The following SLC4A2 variants were observed in gnomAD, a reference collection of about 807,000 sequenced individuals.
SLC4A2 encodes the protein anion exchange protein 2.
A neutral mutation model predicts 115.0 loss-of-function variants in SLC4A2; 36 were observed. The observed-to-expected ratio is 0.31, with a 90% CI of 0.24 to 0.41. SLC4A2 has a LOEUF of 0.41. Among genes scored for constraint, SLC4A2 ranks in the 10% least tolerant of loss-of-function variants. The pLI is 1.00. For synonymous variants in SLC4A2, 708 were observed against 708.3 expected, an observed-to-expected ratio of 1.00 and a Z score of 0.01; for missense variants, 1,252 against 1,705.6, an observed-to-expected ratio of 0.73 and a Z score of 4.68.
intron 7 of SLC4A2, among the ~76,000 whole-genome samples, chr7:151,067,482 C>T (rs1456204772): frequency 6.6e-6 from 1 of 152,174 alleles, no homozygotes; most frequent in Non-Finnish European, 1.5e-5. Flanking sequence ...GATTATACTC[C>T]CCATGGTGGA....
chr7:151,062,483 A>T, intron 2 of SLC4A2: 1 of 1,170,184 alleles, frequency 8.5e-7, no homozygotes, highest in Non-Finnish European at 1.1e-6. Context: ...CCACCGCTCC[A>T]CATGGCCCCC....
rs759440385 is a variant in SLC4A2 at position 151,071,462 on chromosome 7, G to T, written c.2048G>T (p.Gly683Val). 10 of 1,610,620 alleles carry T rather than the reference G, an allele frequency of 6.2e-6. No individual in the cohort carries two copies. In the East Asian group the frequency reaches 6.7e-5, roughly 11 times the overall value. Residue 683 changes from glycine (G) to valine (V), a missense_variant, in exon 14 of 23, where the codon GGG (glycine) becomes GTG (valine). By Grantham distance (109) the Gly-to-Val change is moderately radical (BLOSUM62 -3). Around this residue, in one of 14 missense-constraint regions of SLC4A2, gnomAD observed 122 missense variants for 116.8 expected, o/e 1.04. Transcript: ENST00000413384. This position sits in a 1 kb window ranked among gnomAD's most constrained non-coding sequence, Gnocchi z 5.5. Reference sequence around the variant, plus strand: ...CTTCGGCGGACGGGGCGGCCCTTTGGGGGGCTGATCCGAGATGTGCGGCGC... The same window carrying T: ...CTTCGGCGGACGGGGCGGCCCTTTGTGGGGCTGATCCGAGATGTGCGGCGC... ...DPLRRTGRPFGGLIRDVRRRY... is the reference protein window; with the variant it reads ...DPLRRTGRPFVGLIRDVRRRY...
chr7:151,074,387 C>T lies in SLC4A2; in HGVS notation c.2791-12C>T, dbSNP rs1406094069. ...GGTGGCAGGACTCTGAGCGCTGTGCCTGCCCACTCAGATCCGGCGGGTGAT... is the reference window on the plus strand; with the variant it reads ...GGTGGCAGGACTCTGAGCGCTGTGCTTGCCCACTCAGATCCGGCGGGTGAT... On this transcript the variant is annotated splice_polypyrimidine_tract_variant and intron_variant, in intron 17 of 22. Coordinates refer to ENST00000413384, the MANE Select transcript of SLC4A2 (RefSeq NM_003040.4). The T allele has an allele frequency of 6.2e-7, 1 of 1,613,510 alleles. No homozygotes were observed. Among genetic ancestry groups the T allele is most frequent in the Non-Finnish European group, 8.5e-7 (1 of 1,180,004 alleles).
At chr7:151,067,826 G>T in intron 7 of SLC4A2, 48 bp from the exon 8 acceptor site, 1 of 1,564,894 alleles carries the variant, frequency 6.4e-7, no homozygotes, top group Non-Finnish European at 8.7e-7. Flanking sequence ...CCACCCCAGG[G>T]CTGCCTCCGG....
chr7:151,067,871 A>C lies in SLC4A2; in HGVS notation c.967-3A>C. 6.2e-7 allele frequency: 1 copy of C among 1,611,868 alleles called. No individual in the cohort carries two copies. The highest frequency in any genetic ancestry group is 1.1e-5 in the South Asian group (1 of 90,744). On this transcript the variant is annotated splice_region_variant and splice_polypyrimidine_tract_variant and intron_variant, in intron 7 of 22. Transcript: ENST00000413384. ...CTGAAATGCCTTCTCTTCTCTCCCC[A>C]AGGTGTTTGTGGAGCTGAATGAGTT...
rs1017146821 is a variant in SLC4A2, at chr7:151,063,031, T to C, written c.51+993T>C. On this transcript the variant is annotated intron_variant, in intron 2 of 22. Transcript: ENST00000413384. The stretch of plus-strand genomic sequence containing the variant: ...GGTCCAGAAGCTCTTGAGCAAATAT[T>C]TGGCGGCGCCTGGAGCTGAGACCGT... 2.0e-6 allele frequency: 3 copies of C among 1,465,402 alleles called. No individual in the cohort carries two copies. The African/African-American group carries it at 4.4e-5, about 21-fold the overall frequency. 90.8% of individuals were successfully genotyped at this position (1,465,402 alleles called of 1,614,324 possible).
intron 8 of SLC4A2, among the ~76,000 whole-genome samples, chr7:151,069,422 G>A (rs1420523360): frequency 6.6e-6 from 1 of 152,190 alleles, no homozygotes; most frequent in African/African-American, 2.4e-5. Context: ...GCGAGGGGAG[G>A]TTGAGAAGCC....
chr7:151,070,467 C>T lies in SLC4A2; in HGVS notation c.1460C>T (p.Pro487Leu), dbSNP rs369502348. 276 of 1,612,244 alleles carry T rather than the reference C, an allele frequency of 1.7e-4. No homozygotes were observed. Among genetic ancestry groups the T allele is most frequent in the Non-Finnish European group, 2.1e-4 (251 of 1,179,358 alleles). The stretch of plus-strand genomic sequence containing the variant: ...GTCTGTGTCCCCCAGCGTGAGCTGC[C>T]GCCTCCAGCACCACCAGCTGGCATC... ...RLEVERERELPPPAPPAGITR... is the reference protein window; with the variant it reads ...RLEVERERELLPPAPPAGITR... The change falls in exon 11 of 23, where the codon CCG becomes CTG. Residue 487 changes from proline (P) to leucine (L), a missense_variant. Around this residue, in one of 14 missense-constraint regions of SLC4A2, gnomAD observed 142 missense variants for 153.5 expected, o/e 0.93. Coordinates refer to ENST00000413384, the MANE Select transcript of SLC4A2 (RefSeq NM_003040.4).
In SLC4A2 at chr7:151,061,891, C is replaced by T. The variant is rs1797059402; in HGVS notation, c.-63-34C>T. 3 of 1,164,068 alleles carry T rather than the reference C, an allele frequency of 2.6e-6. No homozygotes were observed. In the South Asian group the frequency reaches 3.9e-5, roughly 15 times the overall value. 72.1% of individuals were successfully genotyped at this position (1,164,068 alleles called of 1,614,324 possible). ...CGTGGTGGCTCCTGCCCTCCCAGGG[C>T]TCTCGATGGTGATCAGGCCTCTCCC... On this transcript the variant is annotated intron_variant, in intron 1 of 22. Coordinates refer to ENST00000413384, the MANE Select transcript of SLC4A2 (RefSeq NM_003040.4).
rs555952741 is a variant in SLC4A2 at position 151,071,192 on chromosome 7, C to A, written c.1870C>A (p.Arg624Ser). 6.2e-7 allele frequency: 1 copy of A among 1,607,088 alleles called. No homozygotes were observed. Among genetic ancestry groups the A allele is most frequent in the South Asian group, 1.1e-5 (1 of 89,944 alleles). Residue 624 changes from arginine to serine, a missense_variant, in exon 13 of 23, where the codon CGC (arginine) becomes AGC (serine). Arg to Ser is a moderately radical substitution (Grantham distance 110, BLOSUM62 -1). Transcript: ENST00000413384. This position sits in a 1 kb window ranked among gnomAD's most constrained non-coding sequence, Gnocchi z 5.5. ...PSEVQGEELL[R>S]SVAHFQRQML... ...AGAAGTGCAGGGCGAGGAGCTGCTG[C>A]GCTCTGTGGCCCACTTCCAGCGCCA... is the stretch of plus-strand genomic sequence containing the variant.
rs761607251 is a variant in SLC4A2 at position 151,064,513 on chromosome 7, C to T, written c.218-13C>T. On this transcript the variant is annotated splice_polypyrimidine_tract_variant and intron_variant, in intron 3 of 22. Coordinates refer to ENST00000413384, the MANE Select transcript of SLC4A2 (RefSeq NM_003040.4). ...CTGTGCCTGCCACAGCCAAGTCCCC[C>T]TCCTCCCTGCAGACCACCGCCAGTC... The T allele has an allele frequency of 2.5e-6, 4 of 1,604,656 alleles. No homozygotes were observed. The highest frequency in any genetic ancestry group is 3.4e-6 in the Non-Finnish European group (4 of 1,175,424).
rs1182077406 is a variant in SLC4A2 at position 151,060,282 on chromosome 7, A to C, written c.-64+520A>C. 3.3e-5 allele frequency: 5 copies of C among 152,052 alleles called. No individual in the cohort carries two copies. Among genetic ancestry groups the C allele is most frequent in the Non-Finnish European group, 5.9e-5 (4 of 68,116 alleles). The allele number at this position is 152,052 out of a possible 1,614,324, so 9.4% of individuals were successfully genotyped here. A position where few individuals can be genotyped will look rare whatever the true frequency, so the allele number is the denominator to read the frequency against. ...AGATGAGCCCGGAGAGTTGGACCTG[A>C]CTCCCGGGGTCGGTTTGTCCAGGCG... On this transcript the variant is annotated intron_variant, in intron 1 of 22. Coordinates refer to ENST00000413384, the MANE Select transcript of SLC4A2 (RefSeq NM_003040.4). This position sits in a 1 kb window ranked among gnomAD's most constrained non-coding sequence, Gnocchi z 5.9.
At chr7:151,069,874 T>C (rs1797370513) in intron 8 of SLC4A2, 73 bp from the exon 9 acceptor site, 4 of 1,590,938 alleles carry the variant, frequency 2.5e-6, no homozygotes. Flanking sequence ...CCCCAGCTCC[T>C]GCTCCCCATC....
intron 7 of SLC4A2, among the ~76,000 whole-genome samples, chr7:151,067,641 G>C (rs1797280319): frequency 6.6e-6 from 1 of 152,232 alleles, no homozygotes; most frequent in African/African-American, 2.4e-5. Context: ...CCTTCTGACA[G>C]TTCTTTGAGG....
At chr7:151,072,183 A>G (rs754631583) in intron 16 of SLC4A2, 47 bp downstream of exon 16, 289 of 1,531,032 alleles carry the variant, frequency 1.9e-4, no homozygotes, top group Non-Finnish European at 2.5e-4. Flanking sequence ...CCGAGGTCTC[A>G]GGGCTGGAGG....
At position 151,071,957 on chromosome 7, in the gene SLC4A2, C is replaced by T. The variant is rs775657214; in HGVS notation, c.2356C>T (p.His786Tyr). The change falls in exon 16 of 23, where the codon CAC becomes TAC. Residue 786 changes from histidine to tyrosine, a missense_variant. Physicochemically the swap from His to Tyr is moderately conservative, Grantham distance 83. This residue lies in a region of SLC4A2 where 118 missense variants were observed against 203.3 expected (regional missense o/e 0.58). Transcript: ENST00000413384. The surrounding 1 kb of genome is among the most constrained non-coding windows in gnomAD (Gnocchi z 5.5). ...CTCCCTCCAGTTCTGTAGCAGCAACCACCTGGAGTACCTGGTGGGCCGTGT... is the reference window on the plus strand; with the variant it reads ...CTCCCTCCAGTTCTGTAGCAGCAACTACCTGGAGTACCTGGTGGGCCGTGT... The part of the protein sequence containing the change: ...EAFFSFCSSN[H>Y]LEYLVGRVWI... The T allele has an allele frequency of 6.2e-7, 1 of 1,614,014 alleles. No homozygotes were observed. Among genetic ancestry groups the T allele is most frequent in the Non-Finnish European group, 8.5e-7 (1 of 1,179,960 alleles).
rs1225681155 is a variant in SLC4A2, at chr7:151,071,650, C to A, written c.2192-39C>A. The A allele has an allele frequency of 6.2e-7, 1 of 1,612,378 alleles. No individual in the cohort carries two copies. Among genetic ancestry groups the A allele is most frequent in the Non-Finnish European group, 8.5e-7 (1 of 1,179,274 alleles). On this transcript the variant is annotated intron_variant, in intron 14 of 22. Coordinates refer to ENST00000413384, the MANE Select transcript of SLC4A2 (RefSeq NM_003040.4). The surrounding 1 kb of genome is among the most constrained non-coding windows in gnomAD (Gnocchi z 5.5). The stretch of plus-strand genomic sequence containing the variant: ...AGGGGGCGGCGGGGACTGCCCAGGG[C>A]CTGGCCACCAGCTCCTGAGCTGGTT...
intron 7 of SLC4A2, 130 bp downstream of exon 7, chr7:151,067,123 C>T: frequency 9.9e-7 from 1 of 1,013,650 alleles, no homozygotes; most frequent in Non-Finnish European, 1.4e-6. Flanking sequence ...CAGTCTCGCT[C>T]TGTTGCCCAG....
chr7:151,075,850 C>A, intron 21 of SLC4A2, 75 bp downstream of exon 21: 1 of 1,490,638 alleles, frequency 6.7e-7, no homozygotes, highest in Non-Finnish European at 9.1e-7. Flanking sequence ...TCTCCAGCTG[C>A]CCCCTCCCAT....
Sources: allele counts gnomAD v4.1 joint callset (sites outside exome capture counted in the v4.1 genomes callset), GRCh38; gene constraint gnomAD v4.1.1; regional missense constraint gnomAD v4.1.1; non-coding constraint Gnocchi (gnomAD v3.1); transcripts MANE v1.5; gene names NCBI Gene and HGNC (gene_info 2026-07-23, HGNC 2026-07-21).